NTAN1: variants seen among roughly 807,000 people sequenced by gnomAD.
NTAN1 encodes N-terminal asparagine amidase.
In NTAN1, 32 loss-of-function variants were observed where a neutral mutation model predicts 41.9. The observed-to-expected ratio is 0.76, with a 90% CI of 0.58 to 1.03. The LOEUF (loss-of-function observed/expected upper bound fraction) is 1.03, where lower values mean the gene tolerates loss of function less well. Ranked by LOEUF, NTAN1 falls within the 50% of genes least tolerant of loss-of-function variation. NTAN1 has a pLI of 0.00. For missense variants in NTAN1, 377 were observed against 377.5 expected (o/e 1.00, Z 0.01); for synonymous variants, 140 against 139.5 (o/e 1.00, Z -0.03).
chr16:15,044,356 T>C lies in NTAN1; in HGVS notation c.411A>G (p.Gln137=). The change falls in exon 5 of 10, where the codon CAA becomes CAG. Residue 137 remains glutamine, a synonymous_variant. Transcript: ENST00000287706. The part of the protein sequence containing the change: ...GGFSDDRQLS[Q]KLTHQLLSEF... ...TACTAAGAAGTTGATGAGTGAGTTTTTGTGACAACTGCCTGTCGTCACTGA... is the reference window on the plus strand; with the variant it reads ...TACTAAGAAGTTGATGAGTGAGTTTCTGTGACAACTGCCTGTCGTCACTGA... The C allele has an allele frequency of 6.2e-7, 1 of 1,613,044 alleles. No homozygotes were observed. Among genetic ancestry groups the C allele is most frequent in the South Asian group, 1.1e-5 (1 of 91,066 alleles).
chr16:15,038,992 A>T (rs916299841), intron 8 of NTAN1, among the ~76,000 whole-genome samples: 3 of 152,186 alleles, frequency 2.0e-5, no homozygotes, highest in Non-Finnish European at 2.9e-5. Context: ...TTACGTGTCC[A>T]GTAAGCCTCA....
chr16:15,045,123 C>CAA lies in NTAN1; in HGVS notation c.360-718_360-717dup, dbSNP rs71150202. On this transcript the variant is annotated intron_variant, in intron 4 of 9. Transcript: ENST00000287706. ...TGGGCTACAGAGTAAGACTCTATCTCAAAAAAAAAAAAAAAAAGAAAAGAA... is the reference window on the plus strand; with the variant it reads ...TGGGCTACAGAGTAAGACTCTATCTCAAAAAAAAAAAAAAAAAAAGAAAAGAA... The CAA allele has an allele frequency of 5.2e-3, 514 of 98,684 alleles. 4 individuals are homozygous for CAA. Among genetic ancestry groups the CAA allele is most frequent in the African/African-American group, 0.014 (350 of 25,028 alleles). The allele number at this position is 98,684 out of a possible 1,614,324, so 6.1% of individuals were successfully genotyped here. A position where few individuals can be genotyped will look rare whatever the true frequency, so the allele number is the denominator to read the frequency against.
intron 7 of NTAN1, 24 bp downstream of exon 7, chr16:15,041,044 C>G (rs780601596): frequency 1.9e-6 from 3 of 1,553,572 alleles, no homozygotes; most frequent in Admixed American, 3.3e-5. Flanking sequence ...AGACTCCAAC[C>G]CACAAAAGAT....
chr16:15,039,917 A>G, intron 8 of NTAN1, 52 bp downstream of exon 8: 1 of 1,049,148 alleles, frequency 9.5e-7, no homozygotes, highest in Non-Finnish European at 1.4e-6. Context: ...AGGCCTTGAC[A>G]TTTGATGCCT....
chr16:15,048,178 G>T, intron 1 of NTAN1, 79 bp from the exon 2 acceptor site: 1 of 1,004,802 alleles, frequency 1.0e-6, no homozygotes, highest in Middle Eastern at 2.9e-4. Flanking sequence ...GAGAGCCAAA[G>T]TGGGCTCTGC....
intron 5 of NTAN1, among the ~76,000 whole-genome samples, chr16:15,042,055 C>A (rs1030622599): frequency 6.6e-5 from 10 of 152,176 alleles, no homozygotes; most frequent in African/African-American, 2.4e-4. Flanking sequence ...TGTAACAGAT[C>A]TGAAAAATAC....
rs748350840 is a variant in NTAN1 at position 15,047,853 on chromosome 16, AC to A, written c.250+1del. 3 of 1,609,030 alleles carry A rather than the reference AC, an allele frequency of 1.9e-6. No homozygotes were observed. Among genetic ancestry groups the A allele is most frequent in the Non-Finnish European group, 2.6e-6 (3 of 1,175,476 alleles). ...TGGTTTCCTTCACCTCTCTCATCAT[AC>A]CTGTGTGCCTCAGGACCACAATGTG... On this transcript the variant is annotated splice_donor_variant, in intron 3 of 9. Transcript: ENST00000287706. LOFTEE classifies it high-confidence loss of function.
At chr16:15,044,175 T>G (rs1484402319) in intron 5 of NTAN1, among the ~76,000 whole-genome samples, 159 bp downstream of exon 5, 1 of 152,172 alleles carries the variant, frequency 6.6e-6, no homozygotes, top group East Asian at 1.9e-4. Flanking sequence ...ACGCATTCAG[T>G]CTTTCTGTGA....
chr16:15,045,264 T>A (rs2044007014), intron 4 of NTAN1: 1 of 151,690 alleles, frequency 6.6e-6, no homozygotes, highest in Admixed American at 6.6e-5. Flanking sequence ...GCCACTGCAC[T>A]CCAGCTCTGG....
In NTAN1 at chr16:15,038,063, A is replaced by C. The variant is rs2043606476; in HGVS notation, c.901T>G (p.Leu301Val). Residue 301 changes from leucine (L) to valine (V), a missense_variant, in exon 10 of 10, where the codon TTG (leucine) becomes GTG (valine). Transcript: ENST00000287706. ...ALLYKKNEDG[L>V]WEKISSPGS is the part of the protein sequence containing the mutation. ...CCTGGAGAAGAGATCTTTTCCCACAAGCCATCTTCATTTTTTTTGTAGAGT... is the reference window on the plus strand; with the variant it reads ...CCTGGAGAAGAGATCTTTTCCCACACGCCATCTTCATTTTTTTTGTAGAGT... 6.2e-7 allele frequency: 1 copy of C among 1,612,664 alleles called. No homozygotes were observed. Among genetic ancestry groups the C allele is most frequent in the East Asian group, 2.2e-5 (1 of 44,862 alleles).
chr16:15,038,520 ATG>A (rs2043651186), intron 9 of NTAN1, 52 bp downstream of exon 9: 3 of 1,010,982 alleles, frequency 3.0e-6, no homozygotes, highest in Non-Finnish European at 4.6e-6. Flanking sequence ...TTTCTTACAG[ATG>A]GGGAAACCAG....
chr16:15,048,412 G>A (rs1456869958), intron 1 of NTAN1, among the ~76,000 whole-genome samples: 1 of 152,046 alleles, frequency 6.6e-6, no homozygotes, highest in African/African-American at 2.4e-5. Flanking sequence ...AAGACACAGG[G>A]CCTCACTATG....
chr16:15,041,822 C>G, intron 5 of NTAN1, 146 bp from the exon 6 acceptor site: 1 of 691,218 alleles, frequency 1.4e-6, no homozygotes, highest in Non-Finnish European at 2.7e-6. Flanking sequence ...CACAGCCTGG[C>G]CTATGGGGCC....
In NTAN1 at chr16:15,042,185, CT is replaced by C. The variant is rs34790085; in HGVS notation, c.434-510del. Among the ~76,000 whole-genome samples the C allele has an allele frequency of 6.3e-3, 850 of 135,542 alleles. 3 individuals are homozygous for C. Among genetic ancestry groups the C allele is most frequent in the Admixed American group, 0.01 (131 of 13,070 alleles). The allele number at this position is 135,542 out of a possible 152,430, so 88.9% of individuals were successfully genotyped here. The stretch of plus-strand genomic sequence containing the variant: ...GCTGACTATAAAGACAATTTTATAT[CT>C]TTTTTTTTTTTTTTTTTGAGATGGA... On this transcript the variant is annotated intron_variant, in intron 5 of 9. Transcript: ENST00000287706.
At chr16:15,049,729 G>C (rs1363680801) in intron 1 of NTAN1, among the ~76,000 whole-genome samples, 1 of 152,138 alleles carries the variant, frequency 6.6e-6, no homozygotes, top group Admixed American at 6.6e-5. Context: ...CCAGCCCCCT[G>C]TGTAATTTGT....
At position 15,041,111 on chromosome 16, in the gene NTAN1, G is replaced by T; in HGVS notation, c.498C>A (p.Asp166Glu). 6.4e-7 allele frequency: 1 copy of T among 1,562,464 alleles called. No homozygotes were observed. Among genetic ancestry groups the T allele is most frequent in the Non-Finnish European group, 8.8e-7 (1 of 1,132,980 alleles). Residue 166 changes from aspartate (D) to glutamate (E), a missense_variant, in exon 7 of 10, where the codon GAC becomes GAA. By Grantham distance (45) the Asp-to-Glu change is conservative. Transcript: ENST00000287706. ...LVTLCVTELN[D>E]REENENHFPV... is the part of the protein sequence containing the mutation. ...GAAAGTGGTTTTCGTTTTCTTCCCG[G>T]TCATTTAATTCTACAAAATAAGAAT... is the stretch of plus-strand genomic sequence containing the variant.
Position 15,055,987 on chromosome 16 carries a change from C to G in NTAN1, c.-16G>C. Reference sequence around the variant, plus strand: ...GCAGCGGCATCGCGGAGGCGGCCGCCCAGGCAGGCCCAGGGAGGCGGCGGC... The same window carrying G: ...GCAGCGGCATCGCGGAGGCGGCCGCGCAGGCAGGCCCAGGGAGGCGGCGGC... On this transcript the variant is annotated 5_prime_UTR_variant, in exon 1 of 10. Coordinates refer to ENST00000287706, the MANE Select transcript of NTAN1 (RefSeq NM_173474.4). 8.3e-7 allele frequency: 1 copy of G among 1,203,702 alleles called. No individual in the cohort carries two copies. Among genetic ancestry groups the G allele is most frequent in the Non-Finnish European group, 1.0e-6 (1 of 968,086 alleles). The allele number at this position is 1,203,702 out of a possible 1,614,324, so 74.6% of individuals were successfully genotyped here. A position where few individuals can be genotyped will look rare whatever the true frequency, so the allele number is the denominator to read the frequency against.
In NTAN1 at chr16:15,042,718, CTATT is replaced by C. The variant is rs58123477; in HGVS notation, c.434-1046_434-1043del. Reference sequence around the variant, plus strand: ...GGGAATTACTGGGTCAAAGGATGAACTATTTATTTATTTATTTATTTATTTATTT... The same window carrying C: ...GGGAATTACTGGGTCAAAGGATGAACTATTTATTTATTTATTTATTTATTT... On this transcript the variant is annotated intron_variant, in intron 5 of 9. Coordinates refer to ENST00000287706, the MANE Select transcript of NTAN1 (RefSeq NM_173474.4). 5.2e-3 allele frequency among the ~76,000 whole-genome samples: 766 copies of C among 147,100 alleles called. 8 individuals carry two copies. The highest frequency in any genetic ancestry group is 0.017 in the African/African-American group (672 of 40,312).
intron 6 of NTAN1, 122 bp downstream of exon 6, chr16:15,041,501 C>T (rs1014635228): frequency 1.3e-5 from 10 of 778,450 alleles, no homozygotes; most frequent in South Asian, 2.8e-5. Flanking sequence ...CAGGAAGAGC[C>T]GGAACAGATG....
Sources: allele counts gnomAD v4.1 joint callset (sites outside exome capture counted in the v4.1 genomes callset), GRCh38; gene constraint gnomAD v4.1.1; transcripts MANE v1.5; gene names NCBI Gene and HGNC (gene_info 2026-07-23, HGNC 2026-07-21).